The following SDC3 variants were observed in gnomAD, a reference collection of about 807,000 sequenced individuals.
The protein encoded by SDC3 is syndecan 3.
In SDC3, 13 loss-of-function variants were observed where a neutral mutation model predicts 24.4. The ratio of observed to expected loss-of-function variants is 0.53; its 90% confidence interval spans 0.35 to 0.85. The LOEUF is 0.85. Among genes scored for constraint, SDC3 ranks in the 40% least tolerant of loss-of-function variants. SDC3 has a pLI of 0.01. For missense variants in SDC3, 571 were observed against 584.5 expected (o/e 0.98, Z 0.24); for synonymous variants, 295 against 260.9 (o/e 1.13, Z -1.26).
At chr1:30,875,740 C>T (rs952135310) in intron 3 of SDC3, among the ~76,000 whole-genome samples, 6 of 152,190 alleles carry the variant, frequency 3.9e-5, no homozygotes, top group African/African-American at 1.2e-4. Flanking sequence ...CCTGGCCCTG[C>T]GAGACTGCCC....
intron 1 of SDC3, among the ~76,000 whole-genome samples, chr1:30,884,186 A>G (rs945629473): frequency 5.3e-5 from 8 of 152,256 alleles, no homozygotes; most frequent in African/African-American, 1.9e-4. Flanking sequence ...CTGCTGGGGA[A>G]GGGGCTATGG....
rs199581130 is a variant in SDC3 at position 30,874,358 on chromosome 1, C to T, written c.1101G>A (p.Ser367=). The change falls in exon 4 of 5, where the codon TCG becomes TCA. Residue 367 remains serine, a synonymous_variant. Coordinates refer to ENST00000339394, the MANE Select transcript of SDC3 (RefSeq NM_014654.4). The part of the protein sequence containing the change: ...GPGLLDNAID[S]GSSAAQLPQK... ...GAGGCAGCTGAGCAGCTGAGCTGCCCGAGTCGATGGCATTGTCCAGGAGGC... is the reference window on the plus strand; with the variant it reads ...GAGGCAGCTGAGCAGCTGAGCTGCCTGAGTCGATGGCATTGTCCAGGAGGC... 1.3e-4 allele frequency: 205 copies of T among 1,613,710 alleles called. 1 individual carries two copies. The Admixed American group carries it at 3.1e-3, about 25-fold the overall frequency.
Position 30,882,007 on chromosome 1 carries a change from C to A in SDC3, c.139-3267G>T, listed in dbSNP as rs1471331477. Reference sequence around the variant, plus strand: ...ACATCCACACCCACGCGCCAGCACACGATGGTGATAAGACTATGCAGCTCA... The same window carrying A: ...ACATCCACACCCACGCGCCAGCACAAGATGGTGATAAGACTATGCAGCTCA... On this transcript the variant is annotated intron_variant, in intron 1 of 4. Transcript: ENST00000339394. 3.3e-5 allele frequency among the ~76,000 whole-genome samples: 5 copies of A among 152,288 alleles called. No individual in the cohort carries two copies. In the East Asian group the frequency reaches 7.7e-4, roughly 24 times the overall value.
chr1:30,894,330 AGT>A (rs1170750502), intron 1 of SDC3, among the ~76,000 whole-genome samples: 9 of 76,324 alleles, frequency 1.2e-4, no homozygotes, highest in African/African-American at 3.4e-4. Flanking sequence ...TGTGTGGATG[AGT>A]GTGTGTGGGG....
rs565036190 is a variant in SDC3, at chr1:30,904,434, G to A, written c.138+4015C>T. On this transcript the variant is annotated intron_variant, in intron 1 of 4. Transcript: ENST00000339394. ...CGGACCCCCCAGGGACCCTATGCCCGCTTGTATGAGGTGGGAGGAGCCACT... is the reference window on the plus strand; with the variant it reads ...CGGACCCCCCAGGGACCCTATGCCCACTTGTATGAGGTGGGAGGAGCCACT... Among the ~76,000 whole-genome samples the A allele has an allele frequency of 7.6e-4, 116 of 151,982 alleles. 1 individual carries two copies. Among genetic ancestry groups the A allele is most frequent in the African/African-American group, 2.4e-3 (99 of 41,432 alleles).
At chr1:30,905,346 C>T (rs1258847534) in intron 1 of SDC3, among the ~76,000 whole-genome samples, 1 of 76,550 alleles carries the variant, frequency 1.3e-5, no homozygotes, top group African/African-American at 5.2e-5. Flanking sequence ...CGTACTCTCT[C>T]TCTCTCACAA....
rs776602606 is a variant in SDC3, at chr1:30,873,087, G to A, written c.*124C>T. 20 of 735,930 alleles carry A rather than the reference G, an allele frequency of 2.7e-5. No individual in the cohort carries two copies. The highest frequency in any genetic ancestry group is 4.1e-5 in the Non-Finnish European group (17 of 418,336). 45.6% of individuals were successfully genotyped at this position (735,930 alleles called of 1,614,324 possible). A position where few individuals can be genotyped will look rare whatever the true frequency, so the allele number is the denominator to read the frequency against. On this transcript the variant is annotated 3_prime_UTR_variant, in exon 5 of 5. Transcript: ENST00000339394. ...GGCTGGCAGCCTGGGCAGACCTTGG[G>A]AGAGAGGGCAGAGAAGAACTGGGGC...
intron 1 of SDC3, among the ~76,000 whole-genome samples, chr1:30,881,592 G>A (rs1442901514): frequency 6.6e-6 from 1 of 152,232 alleles, no homozygotes; most frequent in African/African-American, 2.4e-5. Flanking sequence ...ACACCCAGCA[G>A]AGGCTCCGCA....
In SDC3 at chr1:30,908,739, C is replaced by T. The variant is rs1638589605; in HGVS notation, c.-153G>A. The T allele has an allele frequency of 6.0e-6, 1 of 167,514 alleles. No homozygotes were observed. Among genetic ancestry groups the T allele is most frequent in the African/African-American group, 2.4e-5 (1 of 41,118 alleles). The allele number at this position is 167,514 out of a possible 1,614,324, so 10.4% of individuals were successfully genotyped here. A position where few individuals can be genotyped will look rare whatever the true frequency, so the allele number is the denominator to read the frequency against. ...CTCCCGGCTCGGCCGCCCGGCTCCG[C>T]CTCGCAGCTCCGCGCCCACAGCGGC... On this transcript the variant is annotated 5_prime_UTR_variant, in exon 1 of 5. Coordinates refer to ENST00000339394, the MANE Select transcript of SDC3 (RefSeq NM_014654.4).
At chr1:30,892,008 C>T (rs111789194) in intron 1 of SDC3, among the ~76,000 whole-genome samples, 5 of 152,074 alleles carry the variant, frequency 3.3e-5, no homozygotes, top group African/African-American at 1.2e-4. Flanking sequence ...CAAAGAAAAC[C>T]CAGTGCTCAC....
chr1:30,876,125 A>G (rs1420861716), intron 3 of SDC3, among the ~76,000 whole-genome samples: 1 of 152,152 alleles, frequency 6.6e-6, no homozygotes, highest in Non-Finnish European at 1.5e-5. Context: ...GAAATGATAC[A>G]CATTCTATTG....
chr1:30,873,456 G>C, intron 4 of SDC3, 79 bp from the exon 5 acceptor site: 1 of 1,046,616 alleles, frequency 9.6e-7, no homozygotes, highest in Non-Finnish European at 1.4e-6. Context: ...GTGGGGGCCA[G>C]GGTGAGGAGA....
intron 1 of SDC3, among the ~76,000 whole-genome samples, chr1:30,893,316 C>A (rs1202481039): frequency 7.8e-6 from 1 of 128,336 alleles, no homozygotes; most frequent in Non-Finnish European, 1.6e-5. Context: ...CCCCCCCCCC[C>A]CACCATGTCT....
chr1:30,883,237 CA>C (rs902504722), intron 1 of SDC3, among the ~76,000 whole-genome samples: 3 of 152,202 alleles, frequency 2.0e-5, no homozygotes, highest in African/African-American at 7.2e-5. Context: ...GTTACAGAAA[CA>C]GACACAAGCA....
chr1:30,874,783 CT>C (rs1639610872), intron 3 of SDC3, among the ~76,000 whole-genome samples, 195 bp from the exon 4 acceptor site: 1 of 152,234 alleles, frequency 6.6e-6, no homozygotes, highest in Non-Finnish European at 1.5e-5. Context: ...CATAAATGAC[CT>C]GCCCAAGGAC....
intron 1 of SDC3, among the ~76,000 whole-genome samples, chr1:30,900,759 G>A (rs1323695704): frequency 1.3e-5 from 2 of 152,132 alleles, no homozygotes; most frequent in Non-Finnish European, 2.9e-5. Flanking sequence ...GATCCCGCTG[G>A]TGATTGATTC....
At chr1:30,882,801 C>G (rs1639765776) in intron 1 of SDC3, among the ~76,000 whole-genome samples, 1 of 152,166 alleles carries the variant, frequency 6.6e-6, no homozygotes, top group African/African-American at 2.4e-5. Context: ...AACCGGTCAG[C>G]ACAGAGGCAA....
At chr1:30,893,765 C>G (rs2124333775) in intron 1 of SDC3, among the ~76,000 whole-genome samples, 1 of 152,274 alleles carries the variant, frequency 6.6e-6, no homozygotes, top group East Asian at 1.9e-4. Flanking sequence ...CCCGCGTCTC[C>G]TGGCCTCTCT....
At position 30,871,243 on chromosome 1, in the gene SDC3, C is replaced by T. The variant is rs2124301169; in HGVS notation, c.*1968G>A. 6.6e-6 allele frequency: 1 copy of T among 152,364 alleles called. No homozygotes were observed. The highest frequency in any genetic ancestry group is 1.5e-5 in the Non-Finnish European group (1 of 68,046). 9.4% of individuals were successfully genotyped at this position (152,364 alleles called of 1,614,324 possible). A position where few individuals can be genotyped will look rare whatever the true frequency, so the allele number is the denominator to read the frequency against. Reference sequence around the variant, plus strand: ...ATCCTGCAGAAATCTGCTGCCAGGGCATCTTGAAAAGGGCCCTGAAATAAA... The same window carrying T: ...ATCCTGCAGAAATCTGCTGCCAGGGTATCTTGAAAAGGGCCCTGAAATAAA... On this transcript the variant is annotated 3_prime_UTR_variant, in exon 5 of 5. Coordinates refer to ENST00000339394, the MANE Select transcript of SDC3 (RefSeq NM_014654.4).
Sources: gnomAD v4.1 joint callset for allele counts (sites outside exome capture counted in the v4.1 genomes callset) on GRCh38, gnomAD v4.1.1 for gene constraint, MANE v1.5 for transcripts, NCBI Gene and HGNC (gene_info 2026-07-23, HGNC 2026-07-21) for gene names.